The following KHDC4 variants were observed in gnomAD, a reference collection of about 807,000 sequenced individuals.
KHDC4 encodes the protein KH homology domain-containing protein 4.
A neutral mutation model predicts 74.5 loss-of-function variants in KHDC4; 19 were observed. The ratio of observed to expected loss-of-function variants is 0.26; its 90% CI spans 0.18 to 0.37. The LOEUF is 0.37. KHDC4 is among the 10% of genes least tolerant of loss of function. The pLI, the probability that KHDC4 is intolerant of heterozygous loss-of-function variation, is 1.00. For synonymous variants in KHDC4, 253 were observed against 266.1 expected (o/e 0.95, Z 0.48); for missense variants, 632 against 754.1 (o/e 0.84, Z 1.90).
chr1:155,933,872 A>G (rs1674196135), intron 1 of KHDC4, 23 bp from the exon 2 acceptor site: 1 of 1,489,368 alleles, frequency 6.7e-7, no homozygotes, highest in Non-Finnish European at 9.0e-7. Flanking sequence ...AAAGGAAAAC[A>G]TTAGGCCCCA....
intron 10 of KHDC4, among the ~76,000 whole-genome samples, chr1:155,920,880 G>C (rs1450239988): frequency 6.6e-6 from 1 of 152,142 alleles, no homozygotes; most frequent in Non-Finnish European, 1.5e-5. Flanking sequence ...CATTCTCCTT[G>C]AGGACTTTGT....
intron 7 of KHDC4, among the ~76,000 whole-genome samples, 161 bp downstream of exon 7, chr1:155,925,471 C>T (rs1673969197): frequency 6.6e-6 from 1 of 152,172 alleles, no homozygotes; most frequent in South Asian, 2.1e-4. Flanking sequence ...CCCAATTCTA[C>T]AATTTCTTTA....
At chr1:155,925,029 A>ACT (rs879836421) in intron 7 of KHDC4, among the ~76,000 whole-genome samples, 1 of 138,012 alleles carries the variant, frequency 7.2e-6, no homozygotes, top group Non-Finnish European at 1.5e-5. Context: ...CACCTGGCTA[A>ACT]TTTTTTTTTT....
intron 13 of KHDC4, chr1:155,914,600 G>C (rs1288437413): frequency 5.4e-6 from 2 of 367,446 alleles, no homozygotes; most frequent in Non-Finnish European, 9.8e-6. Context: ...GTTAGCAAGT[G>C]AGTCTCTTGA....
Position 155,915,908 on chromosome 1 carries a change from T to A in KHDC4, c.1610A>T (p.Glu537Val), listed in dbSNP as rs748425558. 6.2e-7 allele frequency: 1 copy of A among 1,603,014 alleles called. No individual in the cohort carries two copies. Among genetic ancestry groups the A allele is most frequent in the South Asian group, 1.1e-5 (1 of 89,248 alleles). ...TGTTAAGGTCCCAGACCCATTCCTTTCATCGGACTCTGTTTTTATTCCAGT... is the reference window on the plus strand; with the variant it reads ...TGTTAAGGTCCCAGACCCATTCCTTACATCGGACTCTGTTTTTATTCCAGT... ...PVTGIKTESD[E>V]RNGSGTLTGS... The change falls in exon 13 of 14, where the codon GAA becomes GTA. Residue 537 changes from glutamate to valine, a missense_variant. This residue lies in a region of KHDC4 where 254 missense variants were observed against 267.4 expected (regional missense o/e 0.95). Transcript: ENST00000368321.
intron 10 of KHDC4, chr1:155,921,128 T>C (rs1431972125): frequency 3.9e-6 from 2 of 507,376 alleles, no homozygotes; most frequent in Non-Finnish European, 7.1e-6. Context: ...ATAGCAAGTG[T>C]GCCCACCATC....
At chr1:155,934,139 G>A (rs1674202329) in intron 1 of KHDC4, among the ~76,000 whole-genome samples, 197 bp downstream of exon 1, 1 of 151,990 alleles carries the variant, frequency 6.6e-6, no homozygotes, top group Non-Finnish European at 1.5e-5. Context: ...CCTTCCAAAA[G>A]TCCCCGTTTG....
Position 155,929,859 on chromosome 1 carries a change from A to G in KHDC4, c.256-19T>C. ...CCTGAAGCTAGAAAAAAGAGAAATTAGATTAAAAAGTTTTTATGATGAGAT... is the reference window on the plus strand; with the variant it reads ...CCTGAAGCTAGAAAAAAGAGAAATTGGATTAAAAAGTTTTTATGATGAGAT... On this transcript the variant is annotated intron_variant, in intron 2 of 13. Coordinates refer to ENST00000368321, the MANE Select transcript of KHDC4 (RefSeq NM_014949.4). 1 of 1,532,818 alleles carries G rather than the reference A, an allele frequency of 6.5e-7. No individual in the cohort carries two copies. Among genetic ancestry groups the G allele is most frequent in the Non-Finnish European group, 8.7e-7 (1 of 1,144,310 alleles). The allele number at this position is 1,532,818 out of a possible 1,614,324, so 95.0% of individuals were successfully genotyped here.
rs747388191 is a variant in KHDC4, at chr1:155,926,835, A to G, written c.522T>C (p.Ala174=). 1 of 1,614,172 alleles carries G rather than the reference A, an allele frequency of 6.2e-7. No individual in the cohort carries two copies. The highest frequency in any genetic ancestry group is 1.1e-5 in the South Asian group (1 of 91,076). Residue 174 remains alanine, a synonymous_variant, in exon 6 of 14, where the codon GCT becomes GCC. Coordinates refer to ENST00000368321, the MANE Select transcript of KHDC4 (RefSeq NM_014949.4). ...TGATAATTTCTTTGATCCGGTTTACAGCTCCTTAGAAAAACACAGACAGTA... is the reference window on the plus strand; with the variant it reads ...TGATAATTTCTTTGATCCGGTTTACGGCTCCTTAGAAAAACACAGACAGTA... ...QGQTRELVDR[A]VNRIKEIITN...
chr1:155,921,455 G>A lies in KHDC4; in HGVS notation c.1186C>T (p.Pro396Ser). 2 of 1,614,116 alleles carry A rather than the reference G, an allele frequency of 1.2e-6. No homozygotes were observed. The highest frequency in any genetic ancestry group is 1.7e-6 in the Non-Finnish European group (2 of 1,179,994). Residue 396 changes from proline to serine, a missense_variant, in exon 10 of 14, where the codon CCG becomes TCG. This residue lies in a region of KHDC4 where 254 missense variants were observed against 267.4 expected (regional missense o/e 0.95). Coordinates refer to ENST00000368321, the MANE Select transcript of KHDC4 (RefSeq NM_014949.4). Reference protein sequence around the residue: ...PAVSLAPGVLPALPTGVPPVP... With the variant: ...PAVSLAPGVLSALPTGVPPVP... ...GGTGGGACTCCAGTAGGTAATGCCG[G>A]CAAGACTCCAGGTGCTAATGAAACA...
chr1:155,914,176 T>C lies in KHDC4; in HGVS notation c.1790A>G (p.Tyr597Cys). 1 of 1,614,154 alleles carries C rather than the reference T, an allele frequency of 6.2e-7. No individual in the cohort carries two copies. Among genetic ancestry groups the C allele is most frequent in the Non-Finnish European group, 8.5e-7 (1 of 1,180,020 alleles). ...FPQGWSLGYQYPSSQPRAKQQ... is the reference protein window; with the variant it reads ...FPQGWSLGYQCPSSQPRAKQQ... ...TTTAGCTCGTGGTTGTGATGAAGGA[T>C]ATTGGTATCCCAAACTCCAGCCCTG... is the stretch of plus-strand genomic sequence containing the variant. Residue 597 changes from tyrosine (Y) to cysteine (C), a missense_variant, in exon 14 of 14, where the codon TAT (tyrosine) becomes TGT (cysteine). Physicochemically the swap from Tyr to Cys is radical, Grantham distance 194 (BLOSUM62 -2). Around this residue, in one of 4 missense-constraint regions of KHDC4, gnomAD observed 41 missense variants for 66.0 expected, o/e 0.62. Coordinates refer to ENST00000368321, the MANE Select transcript of KHDC4 (RefSeq NM_014949.4).
At position 155,921,443 on chromosome 1, in the gene KHDC4, T is replaced by A. The variant is rs776577661; in HGVS notation, c.1198A>T (p.Thr400Ser). The A allele has an allele frequency of 3.7e-6, 6 of 1,614,076 alleles. No individual in the cohort carries two copies. The Admixed American group carries it at 1.0e-4, about 27-fold the overall frequency. Residue 400 changes from threonine (T) to serine (S), a missense_variant, in exon 10 of 14, where the codon ACT (threonine) becomes TCT (serine). Around this residue, in one of 4 missense-constraint regions of KHDC4, gnomAD observed 254 missense variants for 267.4 expected, o/e 0.95. Transcript: ENST00000368321. Reference sequence around the variant, plus strand: ...TGTGTTGGCACAGGTGGGACTCCAGTAGGTAATGCCGGCAAGACTCCAGGT... The same window carrying A: ...TGTGTTGGCACAGGTGGGACTCCAGAAGGTAATGCCGGCAAGACTCCAGGT... ...LAPGVLPALPTGVPPVPTQYP... is the reference protein window; with the variant it reads ...LAPGVLPALPSGVPPVPTQYP...
intron 4 of KHDC4, 143 bp downstream of exon 4, chr1:155,929,153 G>A (rs1382833928): frequency 1.8e-6 from 1 of 550,728 alleles, no homozygotes; most frequent in Non-Finnish European, 3.3e-6. Context: ...TTGATATCCA[G>A]AATTCTGCTA....
intron 7 of KHDC4, among the ~76,000 whole-genome samples, chr1:155,924,573 TC>T (rs999359717): frequency 2.7e-5 from 4 of 147,498 alleles, no homozygotes; most frequent in African/African-American, 7.5e-5. Flanking sequence ...CAATAATTTC[TC>T]TTTTTTTTTT....
intron 7 of KHDC4, 27 bp from the exon 8 acceptor site, chr1:155,923,714 A>G: frequency 6.4e-7 from 1 of 1,566,354 alleles, no homozygotes. Context: ...AGGAATTCAA[A>G]GGAGAGAAAA....
intron 10 of KHDC4, among the ~76,000 whole-genome samples, chr1:155,920,706 A>AC (rs1673843449): frequency 6.6e-6 from 1 of 151,730 alleles, no homozygotes; most frequent in South Asian, 2.1e-4. Flanking sequence ...TGTCCAGTTA[A>AC]TTTTTTTTGT....
chr1:155,916,687 A>C lies in KHDC4; in HGVS notation c.1491T>G (p.Asn497Lys), dbSNP rs766298583. ...GCTTCGATCCTGCACCTTCAATCTC[A>C]TTCTGACTGGAGAAGCCTGTACCTA... is the stretch of plus-strand genomic sequence containing the variant. ...TNLGTGFSSQ[N>K]EIEGAGSKPA... The change falls in exon 12 of 14, where the codon AAT becomes AAG. Residue 497 changes from asparagine to lysine, a missense_variant. By Grantham distance (94) the Asn-to-Lys change is moderately conservative. Coordinates refer to ENST00000368321, the MANE Select transcript of KHDC4 (RefSeq NM_014949.4). The C allele has an allele frequency of 9.9e-6, 16 of 1,614,030 alleles. No individual in the cohort carries two copies. In the South Asian group the frequency reaches 1.6e-4, roughly 17 times the overall value.
intron 13 of KHDC4, 28 bp downstream of exon 13, chr1:155,915,845 C>T: frequency 1.4e-6 from 2 of 1,430,256 alleles, no homozygotes; most frequent in Non-Finnish European, 1.9e-6. Flanking sequence ...TAGCCACTCC[C>T]CTGTTCCCCC....
chr1:155,933,716 C>T lies in KHDC4; in HGVS notation c.172G>A (p.Ala58Thr). ...ATCTTGGCAGCCACAGCAGCAGCAG[C>T]ATCCAAGGCTCCTGAAGGAGCAGCT... Reference protein sequence around the residue: ...TTAAPSGALDAAAAVAAKINA... With the variant: ...TTAAPSGALDTAAAVAAKINA... Residue 58 changes from alanine (A) to threonine (T), a missense_variant, in exon 2 of 14, where the codon GCT (alanine) becomes ACT (threonine). Ala to Thr is a moderately conservative substitution (Grantham distance 58, BLOSUM62 0). Coordinates refer to ENST00000368321, the MANE Select transcript of KHDC4 (RefSeq NM_014949.4). 6.2e-7 allele frequency: 1 copy of T among 1,612,500 alleles called. No individual in the cohort carries two copies.
Sources: gnomAD v4.1 joint callset for allele counts (sites outside exome capture counted in the v4.1 genomes callset) on GRCh38, gnomAD v4.1.1 for gene constraint, gnomAD v4.1.1 regional missense constraint, MANE v1.5 for transcripts, NCBI Gene and HGNC (gene_info 2026-07-23, HGNC 2026-07-21) for gene names.